ACACA: variants seen among roughly 807,000 people sequenced by gnomAD.
ACACA encodes the protein acetyl-CoA carboxylase alpha, also known as acetyl-CoA carboxylase 1.
ACACA carries 103 observed loss-of-function variants against 296.1 expected under a neutral mutation model. That is an observed-to-expected ratio of 0.35 (90% confidence interval 0.30 to 0.41). The LOEUF (loss-of-function observed/expected upper bound fraction) is 0.41. Among genes scored for constraint, ACACA ranks in the 10% least tolerant of loss-of-function variants. The pLI is 1.00. For synonymous variants in ACACA, 953 were observed against 1,038.6 expected (o/e 0.92, Z 1.58); for missense variants, 1,554 against 2,989.7 (o/e 0.52, Z 11.20).
intron 4 of ACACA, 122 bp from the exon 5 acceptor site, chr17:37,283,527 G>C: frequency 1.6e-6 from 2 of 1,257,180 alleles, no homozygotes; most frequent in Non-Finnish European, 1.1e-6. Context: ...TTTCAACCAA[G>C]AATTCTTGTT....
chr17:37,102,268 G>A (rs1052394686), intron 52 of ACACA, among the ~76,000 whole-genome samples: 1 of 140,500 alleles, frequency 7.1e-6, no homozygotes, highest in Non-Finnish European at 1.5e-5. Flanking sequence ...GCAGTGGCAC[G>A]ATCTCGGCTC....
At chr17:37,289,353 T>C in intron 3 of ACACA, 7 of 857,512 alleles carry the variant, frequency 8.2e-6, no homozygotes, top group Non-Finnish European at 1.1e-5. Flanking sequence ...AGTTGGCTTT[T>C]AAAGAACTGT....
Position 37,143,689 on chromosome 17 carries a change from A to T in ACACA, c.5679+6175T>A, listed in dbSNP as rs571759664. ...CTGTGCTAGAACCAACTTATTCATC[A>T]TCATCATCTTCTTCATCTTCCTCCT... On this transcript the variant is annotated intron_variant, in intron 45 of 55. Transcript: ENST00000616317. The T allele has an allele frequency of 8.5e-4, 763 of 896,580 alleles. 13 individuals are homozygous for T. The South Asian group carries it at 0.011, about 12-fold the overall frequency. 55.5% of individuals were successfully genotyped at this position (896,580 alleles called of 1,614,324 possible).
intron 29 of ACACA, among the ~76,000 whole-genome samples, chr17:37,218,395 G>GT: frequency 6.6e-6 from 1 of 152,238 alleles, no homozygotes; most frequent in East Asian, 1.9e-4. Context: ...GATATAATGG[G>GT]TTAAATAAGA....
intron 1 of ACACA, among the ~76,000 whole-genome samples, chr17:37,371,615 C>T (rs1345044635): frequency 2.6e-5 from 4 of 151,808 alleles, no homozygotes; most frequent in South Asian, 2.1e-4. Flanking sequence ...AAAAAACGGC[C>T]GCGGCCAGGC....
At chr17:37,367,800 G>A (rs1319987649) in intron 1 of ACACA, 1 of 152,184 alleles carries the variant, frequency 6.6e-6, no homozygotes, top group Non-Finnish European at 1.5e-5. Flanking sequence ...GGGCACAGTG[G>A]TTTATGCTTG....
In ACACA at chr17:37,085,687, C is replaced by T. The variant is rs11557526; in HGVS notation, c.*1629G>A. 7,084 of 399,170 alleles carry T rather than the reference C, an allele frequency of 0.018. 288 individuals are homozygous for T. Among genetic ancestry groups the T allele is most frequent in the African/African-American group, 0.099 (4,811 of 48,714 alleles). The allele number at this position is 399,170 out of a possible 1,614,324, so 24.7% of individuals were successfully genotyped here. A position where few individuals can be genotyped will look rare whatever the true frequency, so the allele number is the denominator to read the frequency against. On this transcript the variant is annotated 3_prime_UTR_variant, in exon 56 of 56. Coordinates refer to ENST00000616317, the MANE Select transcript of ACACA (RefSeq NM_198834.3). ...TCCTGGGGGCTGTCCGCTCCATACCCAGCCATACAGTGCCCACCTGCAACC... is the reference window on the plus strand; with the variant it reads ...TCCTGGGGGCTGTCCGCTCCATACCTAGCCATACAGTGCCCACCTGCAACC...
intron 1 of ACACA, among the ~76,000 whole-genome samples, chr17:37,401,460 T>C (rs1282194296): frequency 6.6e-6 from 1 of 152,038 alleles, no homozygotes; most frequent in African/African-American, 2.4e-5. Flanking sequence ...CCCATGCTAC[T>C]TGCATGTCTT....
rs1382993871 is a variant in ACACA, at chr17:37,111,555, A to G, written c.6541T>C (p.Tyr2181His). 2 of 1,613,972 alleles carry G rather than the reference A, an allele frequency of 1.2e-6. No individual in the cohort carries two copies. Among genetic ancestry groups the G allele is most frequent in the Non-Finnish European group, 8.5e-7 (1 of 1,179,936 alleles). The change falls in exon 52 of 56, where the codon TAC becomes CAC. Residue 2181 changes from tyrosine (Y) to histidine (H), a missense_variant. This residue lies in a region of ACACA where 553 missense variants were observed against 1,043.6 expected (regional missense o/e 0.53). Coordinates refer to ENST00000616317, the MANE Select transcript of ACACA (RefSeq NM_198834.3). The stretch of plus-strand genomic sequence containing the variant: ...CCCAATCGCTCAGCCAAGTGGATGT[A>G]GACTGGGTCCACCCGACGCATGGTT... ...VKTMRRVDPVYIHLAERLGTP... is the reference protein window; with the variant it reads ...VKTMRRVDPVHIHLAERLGTP...
chr17:37,238,857 T>TC (rs2080249142), intron 24 of ACACA, among the ~76,000 whole-genome samples: 1 of 152,222 alleles, frequency 6.6e-6, no homozygotes, highest in South Asian at 2.1e-4. Flanking sequence ...AGACAGGGTC[T>TC]TGCTCTGTTG....
chr17:37,171,407 T>A (rs535043901), intron 41 of ACACA, among the ~76,000 whole-genome samples: 3 of 152,192 alleles, frequency 2.0e-5, no homozygotes, highest in Non-Finnish European at 2.9e-5. Context: ...CCCCCTTTTG[T>A]ATCTTGTATC....
intron 1 of ACACA, chr17:37,365,443 C>T: frequency 2.0e-6 from 2 of 985,370 alleles, no homozygotes; most frequent in Non-Finnish European, 2.4e-6. Flanking sequence ...AGCTCTGTAC[C>T]TGAGAGGCCA....
intron 1 of ACACA, among the ~76,000 whole-genome samples, chr17:37,344,914 T>C (rs1241865903): frequency 6.6e-6 from 1 of 152,226 alleles, no homozygotes; most frequent in Non-Finnish European, 1.5e-5. Context: ...CCTGAGACTT[T>C]AGGTTTATTC....
At chr17:37,279,014 GAACA>G (rs2082389312) in intron 5 of ACACA, among the ~76,000 whole-genome samples, 1 of 151,934 alleles carries the variant, frequency 6.6e-6, no homozygotes, top group African/African-American at 2.4e-5. Context: ...TAAAGGACAG[GAACA>G]GACAGACACT....
At chr17:37,168,554 C>T (rs945321157) in intron 41 of ACACA, among the ~76,000 whole-genome samples, 2 of 151,720 alleles carry the variant, frequency 1.3e-5, no homozygotes, top group Admixed American at 6.6e-5. Flanking sequence ...GGAAAAAAAT[C>T]TCACCAGCCT....
intron 1 of ACACA, among the ~76,000 whole-genome samples, chr17:37,372,305 T>C (rs1463340469): frequency 6.7e-6 from 1 of 149,482 alleles, no homozygotes; most frequent in Non-Finnish European, 1.5e-5. Context: ...CCCAGCTACT[T>C]GGGAGGCTGA....
Position 37,248,610 on chromosome 17 carries a change from C to T in ACACA, c.2146G>A (p.Val716Ile). Residue 716 changes from valine (V) to isoleucine (I), a missense_variant, in exon 17 of 56, where the codon GTC becomes ATC. Val to Ile is a conservative substitution (Grantham distance 29, BLOSUM62 3). Around this residue, in one of 16 missense-constraint regions of ACACA, gnomAD observed 316 missense variants for 540.9 expected, o/e 0.58. Coordinates refer to ENST00000616317, the MANE Select transcript of ACACA (RefSeq NM_198834.3). ...CTGCATACCTTAAGTACATACTTGA[C>T]TCCCTCATAGATAAGTTCAACATCT... ...TVDVELIYEG[V>I]KYVLKVTRQS... 6.2e-7 allele frequency: 1 copy of T among 1,609,088 alleles called. No homozygotes were observed. Among genetic ancestry groups the T allele is most frequent in the Non-Finnish European group, 8.5e-7 (1 of 1,176,022 alleles).
rs1336673580 is a variant in ACACA, at chr17:37,174,016, A to ATT, written c.5079+5243_5079+5244insAA. ...TATATATATATATATATATATATAT[A>ATT]TATATTTTTTTTTTTTTTTTTTTTT... On this transcript the variant is annotated intron_variant, in intron 41 of 55. Transcript: ENST00000616317. 2.0e-3 allele frequency among the ~76,000 whole-genome samples: 30 copies of ATT among 15,026 alleles called. 1 individual carries two copies. Among genetic ancestry groups the ATT allele is most frequent in the African/African-American group, 6.7e-3 (24 of 3,574 alleles). The allele number at this position is 15,026 out of a possible 152,430, so 9.9% of individuals were successfully genotyped here.
At chr17:37,373,115 G>T (rs1038039819) in intron 1 of ACACA, among the ~76,000 whole-genome samples, 2 of 151,900 alleles carry the variant, frequency 1.3e-5, no homozygotes, top group Non-Finnish European at 2.9e-5. Flanking sequence ...TCCTGACCTC[G>T]TGATCCACCT....
Sources: allele counts gnomAD v4.1 joint callset (sites outside exome capture counted in the v4.1 genomes callset), GRCh38; gene constraint gnomAD v4.1.1; regional missense constraint gnomAD v4.1.1; transcripts MANE v1.5; gene names NCBI Gene and HGNC (gene_info 2026-07-23, HGNC 2026-07-21).